KLRD1: variants seen among roughly 807,000 people sequenced by gnomAD.
KLRD1 encodes the protein killer cell lectin like receptor D1.
A neutral mutation model predicts 22.6 loss-of-function variants in KLRD1; 21 were observed. The ratio of observed to expected loss-of-function variants is 0.93; its 90% CI spans 0.66 to 1.34. KLRD1 has a LOEUF of 1.34. KLRD1 is among the 40% of genes most tolerant of loss of function. The pLI is 0.00. For missense variants in KLRD1, 183 were observed against 208.6 expected, an observed-to-expected ratio of 0.88 and a Z score of 0.76; for synonymous variants, 59 against 71.1, an observed-to-expected ratio of 0.83 and a Z score of 0.85.
chr12:10,249,959 A>T (rs80102692), intron 1 of KLRD1, among the ~76,000 whole-genome samples: 1 of 151,972 alleles, frequency 6.6e-6, no homozygotes, highest in Non-Finnish European at 1.5e-5. Context: ...ATGGTTTTCA[A>T]CTCTAACAAA....
At chr12:10,251,216 C>G (rs369623696) in intron 1 of KLRD1, among the ~76,000 whole-genome samples, 1 of 152,182 alleles carries the variant, frequency 6.6e-6, no homozygotes, top group East Asian at 1.9e-4. Context: ...CCTCCGCCTC[C>G]CAGGTTCAAG....
intron 1 of KLRD1, among the ~76,000 whole-genome samples, chr12:10,240,336 C>G (rs995751457): frequency 8.5e-5 from 13 of 152,062 alleles, no homozygotes; most frequent in Non-Finnish European, 8.8e-5. Flanking sequence ...GCTGGGATTA[C>G]AGGCTGAGTC....
intron 1 of KLRD1, among the ~76,000 whole-genome samples, chr12:10,275,512 T>C (rs1050202420): frequency 9.9e-5 from 15 of 152,240 alleles, no homozygotes; most frequent in African/African-American, 3.1e-4. Flanking sequence ...CCAGAGATAC[T>C]ATTTCAGGAA....
chr12:10,327,939 A>T lies in KLRD1; in HGVS notation c.*13146A>T, dbSNP rs1950375634. Reference sequence around the variant, plus strand: ...GATGCACAGGTGACATTTATCCTTCATTCTATTAATGTGGTATATTACATT... The same window carrying T: ...GATGCACAGGTGACATTTATCCTTCTTTCTATTAATGTGGTATATTACATT... On this transcript the variant is annotated 3_prime_UTR_variant, in exon 6 of 6. Transcript: ENST00000336164. 6.6e-6 allele frequency: 1 copy of T among 152,148 alleles called. No homozygotes were observed. Among genetic ancestry groups the T allele is most frequent in the Non-Finnish European group, 1.5e-5 (1 of 68,000 alleles). The allele number at this position is 152,148 out of a possible 1,614,324, so 9.4% of individuals were successfully genotyped here.
At chr12:10,284,747 G>A (rs1405003583) in intron 1 of KLRD1, among the ~76,000 whole-genome samples, 1 of 152,088 alleles carries the variant, frequency 6.6e-6, no homozygotes, top group Non-Finnish European at 1.5e-5. Context: ...CACTTTGGGA[G>A]GCCAAGGCGG....
chr12:10,284,737 C>T (rs1351319575), intron 1 of KLRD1, among the ~76,000 whole-genome samples: 1 of 152,072 alleles, frequency 6.6e-6, no homozygotes, highest in Non-Finnish European at 1.5e-5. Flanking sequence ...GTAATCCCAG[C>T]ACTTTGGGAG....
chr12:10,284,141 G>A (rs1165411079), intron 1 of KLRD1, among the ~76,000 whole-genome samples: 1 of 151,946 alleles, frequency 6.6e-6, no homozygotes, highest in African/African-American at 2.4e-5. Flanking sequence ...AGCCCAGATC[G>A]CACCAGTGCA....
intron 1 of KLRD1, among the ~76,000 whole-genome samples, chr12:10,250,736 T>TA (rs1949339227): frequency 6.6e-6 from 1 of 152,142 alleles, no homozygotes; most frequent in African/African-American, 2.4e-5. Flanking sequence ...ACCCCTTTGA[T>TA]TATTAACTTC....
intron 1 of KLRD1, among the ~76,000 whole-genome samples, chr12:10,252,968 A>ATG (rs1949358761): frequency 6.6e-6 from 1 of 151,218 alleles, no homozygotes; most frequent in Admixed American, 6.6e-5. Context: ...AAAAAAAAAA[A>ATG]AAAAGATGAA....
intron 1 of KLRD1, among the ~76,000 whole-genome samples, chr12:10,289,611 G>A (rs1316446168): frequency 6.6e-6 from 1 of 152,158 alleles, no homozygotes; most frequent in Non-Finnish European, 1.5e-5. Flanking sequence ...TTCGGAGTCT[G>A]CCTATTCCCG....
At chr12:10,253,152 G>A (rs931293222) in intron 1 of KLRD1, among the ~76,000 whole-genome samples, 1 of 151,810 alleles carries the variant, frequency 6.6e-6, no homozygotes, top group Admixed American at 6.6e-5. Context: ...AGATCTATAT[G>A]CTTATAGTTC....
chr12:10,304,547 GGTGA>G (rs1387728803), upstream of KLRD1: 3 of 152,222 alleles, frequency 2.0e-5, no homozygotes, highest in African/African-American at 4.8e-5. Context: ...AGGGGTTACA[GGTGA>G]GTGCCACCAT....
intron 1 of KLRD1, among the ~76,000 whole-genome samples, chr12:10,277,332 A>C (rs1949601677): frequency 6.6e-6 from 1 of 152,182 alleles, no homozygotes; most frequent in African/African-American, 2.4e-5. Context: ...AAAGGGAAAA[A>C]TATAAACAAA....
intron 1 of KLRD1, among the ~76,000 whole-genome samples, chr12:10,241,728 T>C (rs578101313): frequency 6.6e-6 from 1 of 152,268 alleles, no homozygotes; most frequent in African/African-American, 2.4e-5. Flanking sequence ...AGGCTGATAT[T>C]GGATAGTATG....
At chr12:10,283,767 G>A (rs895194960) in intron 1 of KLRD1, among the ~76,000 whole-genome samples, 1 of 152,012 alleles carries the variant, frequency 6.6e-6, no homozygotes, top group Admixed American at 6.6e-5. Context: ...AAGCAGAACA[G>A]GGGAAAACCA....
At chr12:10,295,368 A>G (rs1201133824) in intron 1 of KLRD1, among the ~76,000 whole-genome samples, 1 of 152,144 alleles carries the variant, frequency 6.6e-6, no homozygotes, top group Non-Finnish European at 1.5e-5. Context: ...TGGATTGGGA[A>G]CAGATTCAAG....
At chr12:10,250,686 A>G (rs1182299061) in intron 1 of KLRD1, among the ~76,000 whole-genome samples, 1 of 152,108 alleles carries the variant, frequency 6.6e-6, no homozygotes, top group South Asian at 2.1e-4. Flanking sequence ...TTAATTTATC[A>G]GTTACCTTTT....
chr12:10,267,884 C>G (rs1949514233), intron 1 of KLRD1, among the ~76,000 whole-genome samples: 1 of 152,154 alleles, frequency 6.6e-6, no homozygotes, highest in African/African-American at 2.4e-5. Context: ...ATTCAATGAA[C>G]TAAAAGACAA....
rs1050623684 is a variant in KLRD1, at chr12:10,315,138, A to G, written c.*345A>G. On this transcript the variant is annotated 3_prime_UTR_variant, in exon 6 of 6. Transcript: ENST00000336164. ...TTTAAATAAGATTTAATTCACATCA[A>G]ATAAAATTTAGAAAATAAAATTTAA... 1.0e-4 allele frequency: 28 copies of G among 267,338 alleles called. No homozygotes were observed. Among genetic ancestry groups the G allele is most frequent in the Admixed American group, 3.4e-4 (6 of 17,624 alleles). 16.6% of individuals were successfully genotyped at this position (267,338 alleles called of 1,614,324 possible).
Sources: allele counts gnomAD v4.1 joint callset (sites outside exome capture counted in the v4.1 genomes callset), GRCh38; gene constraint gnomAD v4.1.1; transcripts MANE v1.5; gene names NCBI Gene and HGNC (gene_info 2026-07-23, HGNC 2026-07-21).